The following SH3PXD2B variants were observed in gnomAD, a reference collection of about 807,000 sequenced individuals.
The protein encoded by SH3PXD2B is SH3 and PX domain-containing protein 2B.
A neutral mutation model predicts 73.1 loss-of-function variants in SH3PXD2B; 37 were observed. The ratio of observed to expected loss-of-function variants is 0.51; its 90% CI spans 0.39 to 0.67. The LOEUF (loss-of-function observed/expected upper bound fraction) is 0.67. SH3PXD2B is among the 30% of genes least tolerant of loss of function. The pLI is 0.00. For missense variants in SH3PXD2B, 1,053 were observed against 1,197.8 expected (o/e 0.88, Z 1.78); for synonymous variants, 457 against 480.5 (o/e 0.95, Z 0.64).
At chr5:172,390,998 C>T (rs939322737) in intron 4 of SH3PXD2B, among the ~76,000 whole-genome samples, 5 of 152,038 alleles carry the variant, frequency 3.3e-5, no homozygotes, top group East Asian at 1.9e-4. Context: ...TGCGCCACCT[C>T]GCCTGGCTAA....
At chr5:172,327,926 T>G (rs1359544987) in intron 12 of SH3PXD2B, among the ~76,000 whole-genome samples, 1 of 152,060 alleles carries the variant, frequency 6.6e-6, no homozygotes. Context: ...AGCTACTTTT[T>G]GTACTTTTAG....
chr5:172,382,556 A>AACACACAC (rs3057156), intron 4 of SH3PXD2B, among the ~76,000 whole-genome samples: 6,222 of 149,526 alleles, frequency 0.042, 189 homozygotes, highest in South Asian at 0.17. Context: ...TTTGGAGAAC[A>AACACACAC]ACACACACAC....
chr5:172,359,071 C>T (rs948429800), intron 7 of SH3PXD2B, among the ~76,000 whole-genome samples, 194 bp from the exon 8 acceptor site: 1 of 152,098 alleles, frequency 6.6e-6, no homozygotes, highest in Admixed American at 6.5e-5. Flanking sequence ...TGCTCCTGAG[C>T]CTGGGACAGG....
At chr5:172,440,930 G>A (rs537342071) in intron 1 of SH3PXD2B, among the ~76,000 whole-genome samples, 1 of 152,310 alleles carries the variant, frequency 6.6e-6, no homozygotes, top group African/African-American at 2.4e-5. Context: ...CTGCTGTGAA[G>A]TATAAATGGG....
rs1250149537 is a variant in SH3PXD2B, at chr5:172,335,716, G to C, written c.*2653C>G. 3.2e-6 allele frequency: 4 copies of C among 1,231,518 alleles called. No individual in the cohort carries two copies. The highest frequency in any genetic ancestry group is 4.0e-6 in the Non-Finnish European group (4 of 987,942). 76.3% of individuals were successfully genotyped at this position (1,231,518 alleles called of 1,614,324 possible). On this transcript the variant is annotated 3_prime_UTR_variant, in exon 13 of 13. Coordinates refer to ENST00000311601, the MANE Select transcript of SH3PXD2B (RefSeq NM_001017995.3). ...CTCACAGAATAGCGACCACAGTCCTGGATGGGGTAAATCTAAGTCCCCAGG... is the reference window on the plus strand; with the variant it reads ...CTCACAGAATAGCGACCACAGTCCTCGATGGGGTAAATCTAAGTCCCCAGG...
chr5:172,359,387 CA>C (rs70982393), intron 7 of SH3PXD2B, among the ~76,000 whole-genome samples: 23,491 of 83,826 alleles, frequency 0.28, 2,063 homozygotes, highest in Middle Eastern at 0.43. Context: ...ACCCCCATCT[CA>C]AAAAAAAAAA....
chr5:172,342,552 G>A (rs1190892711), intron 12 of SH3PXD2B, among the ~76,000 whole-genome samples: 3 of 152,206 alleles, frequency 2.0e-5, no homozygotes, highest in Non-Finnish European at 4.4e-5. Flanking sequence ...CCTGGGTCAG[G>A]AGTTTGAGAC....
At chr5:172,391,857 A>C (rs1554138778) in intron 4 of SH3PXD2B, among the ~76,000 whole-genome samples, 1 of 152,204 alleles carries the variant, frequency 6.6e-6, no homozygotes, top group Non-Finnish European at 1.5e-5. Flanking sequence ...TTAAAGGCTC[A>C]CACTTTTGGA....
intron 1 of SH3PXD2B, among the ~76,000 whole-genome samples, chr5:172,439,281 C>CA (rs1258473455): frequency 8.4e-4 from 35 of 41,898 alleles, no homozygotes; most frequent in East Asian, 2.8e-3. Flanking sequence ...AAAAACAAAA[C>CA]AAAAAAAAAA....
chr5:172,422,187 G>T (rs1758980512), intron 2 of SH3PXD2B, among the ~76,000 whole-genome samples: 3 of 152,104 alleles, frequency 2.0e-5, no homozygotes, highest in Non-Finnish European at 4.4e-5. Flanking sequence ...TAGAGACGGG[G>T]TTTCACCATG....
intron 4 of SH3PXD2B, among the ~76,000 whole-genome samples, chr5:172,393,171 A>C (rs941776216): frequency 6.6e-6 from 1 of 152,232 alleles, no homozygotes; most frequent in South Asian, 2.1e-4. Context: ...TTCCATTTTA[A>C]CAATATTGAG....
At chr5:172,424,095 A>G (rs951782392) in intron 1 of SH3PXD2B, among the ~76,000 whole-genome samples, 34 of 152,210 alleles carry the variant, frequency 2.2e-4, no homozygotes, top group Non-Finnish European at 3.5e-4. Flanking sequence ...CCGATGACAC[A>G]GTCTAAGCTT....
chr5:172,354,015 C>A lies in SH3PXD2B; in HGVS notation c.668-10G>T, dbSNP rs777429532. ...ACTGTGTACTTCTCCTCTGTGGGGA[C>A]AAAAGGAAGCTGGGGTCAGAAGAGG... On this transcript the variant is annotated splice_polypyrimidine_tract_variant and intron_variant, in intron 8 of 12. Transcript: ENST00000311601. 1 of 1,612,462 alleles carries A rather than the reference C, an allele frequency of 6.2e-7. No homozygotes were observed. The highest frequency in any genetic ancestry group is 8.5e-7 in the Non-Finnish European group (1 of 1,178,644).
In SH3PXD2B at chr5:172,439,289, AAACC is replaced by A. The variant is rs1467333397; in HGVS notation, c.75+14985_75+14988del. Among the ~76,000 whole-genome samples, 483 of 59,698 alleles carry A rather than the reference AAACC, an allele frequency of 8.1e-3. 34 individuals are homozygous for A. Among genetic ancestry groups the A allele is most frequent in the African/African-American group, 0.025 (429 of 17,500 alleles). 39.2% of individuals were successfully genotyped at this position (59,698 alleles called of 152,430 possible). A position where few individuals can be genotyped will look rare whatever the true frequency, so the allele number is the denominator to read the frequency against. ...CAAAAACAAAAACAAAACAAAAAAA[AAACC>A]CCAAAAAAAAACCACAGGCATCGGC... On this transcript the variant is annotated intron_variant, in intron 1 of 12. Coordinates refer to ENST00000311601, the MANE Select transcript of SH3PXD2B (RefSeq NM_001017995.3).
intron 7 of SH3PXD2B, among the ~76,000 whole-genome samples, chr5:172,359,090 A>AAG (rs1361407812): frequency 6.6e-6 from 1 of 152,174 alleles, no homozygotes; most frequent in African/African-American, 2.4e-5. Context: ...GGGAAGAGTA[A>AAG]AGTCATCCTA....
chr5:172,357,696 T>C (rs79073896), intron 8 of SH3PXD2B, among the ~76,000 whole-genome samples: 8,790 of 152,236 alleles, frequency 0.058, 353 homozygotes, highest in South Asian at 0.22. Flanking sequence ...ATGGTAACCC[T>C]GTGTTACCCC....
At chr5:172,368,581 T>C in intron 6 of SH3PXD2B, among the ~76,000 whole-genome samples, 1 of 18,184 alleles carries the variant, frequency 5.5e-5, no homozygotes, top group African/African-American at 4.8e-4. Context: ...ATGTTATATA[T>C]ATATATAAAA....
downstream of SH3PXD2B, among the ~76,000 whole-genome samples, chr5:172,332,514 T>C (rs1280360525): frequency 6.6e-6 from 1 of 151,976 alleles, no homozygotes; most frequent in African/African-American, 2.4e-5. Flanking sequence ...TCCTCCTGCC[T>C]TGGCCTCCCA....
intron 10 of SH3PXD2B, among the ~76,000 whole-genome samples, chr5:172,348,589 G>C (rs1757047937): frequency 6.7e-6 from 1 of 148,288 alleles, no homozygotes; most frequent in Non-Finnish European, 1.5e-5. Flanking sequence ...AGTGGTGGTA[G>C]GGGGGTGTCT....
Sources: allele counts gnomAD v4.1 joint callset (sites outside exome capture counted in the v4.1 genomes callset), GRCh38; gene constraint gnomAD v4.1.1; transcripts MANE v1.5; gene names NCBI Gene and HGNC (gene_info 2026-07-23, HGNC 2026-07-21).